Variants in UBE4B observed in about 807,000 individuals in gnomAD.
UBE4B encodes the protein ubiquitin conjugation factor E4 B.
UBE4B carries 27 observed loss-of-function variants against 148.1 expected under a neutral mutation model. The ratio of observed to expected loss-of-function variants is 0.18; its 90% CI spans 0.13 to 0.25. The LOEUF (loss-of-function observed/expected upper bound fraction) is 0.25, where lower values mean the gene tolerates loss of function less well. Among genes scored for constraint, UBE4B ranks in the 10% least tolerant of loss-of-function variants. The pLI, the probability that UBE4B is intolerant of heterozygous loss-of-function variation, is 1.00. For missense variants in UBE4B, 1,170 were observed against 1,662.4 expected, an observed-to-expected ratio of 0.70 and a Z score of 5.15; for synonymous variants, 596 against 619.3, an observed-to-expected ratio of 0.96 and a Z score of 0.56.
At chr1:10,069,945 A>T (rs959610540) in intron 1 of UBE4B, among the ~76,000 whole-genome samples, 1 of 152,102 alleles carries the variant, frequency 6.6e-6, no homozygotes, top group African/African-American at 2.4e-5. Flanking sequence ...TGAATTAGAA[A>T]TCAAGCATGA....
chr1:10,076,992 G>A (rs1044567100), intron 2 of UBE4B, among the ~76,000 whole-genome samples: 2 of 151,666 alleles, frequency 1.3e-5, no homozygotes, highest in African/African-American at 2.4e-5. Flanking sequence ...TGATCCTCCC[G>A]CCTCAGCCTC....
chr1:10,126,872 C>T lies in UBE4B; in HGVS notation c.1633C>T (p.Leu545Phe), dbSNP rs754118135. ...CGACAGTGACTACTTTAAATACCCC[C>T]TCATGGTAAAACTTTGTTCTTTTTC... ...SLDSDYFKYP[L>F]MALGELCETK... Residue 545 changes from leucine (L) to phenylalanine (F), a missense_variant, in exon 11 of 28, where the codon CTC becomes TTC. Coordinates refer to ENST00000343090, the MANE Select transcript of UBE4B (RefSeq NM_001105562.3). 6.2e-7 allele frequency: 1 copy of T among 1,613,410 alleles called. No individual in the cohort carries two copies. Among genetic ancestry groups the T allele is most frequent in the Non-Finnish European group, 8.5e-7 (1 of 1,179,362 alleles).
In UBE4B at chr1:10,175,464, A is replaced by G. The variant is rs1028467583; in HGVS notation, c.3526-3180A>G. On this transcript the variant is annotated intron_variant, in intron 25 of 27. Transcript: ENST00000343090. The stretch of plus-strand genomic sequence containing the variant: ...CAGGAGATCGAGACCGTCCTGGCTA[A>G]CACGGTGAAACCCCATCTCTACTAA... 1.0e-4 allele frequency among the ~76,000 whole-genome samples: 15 copies of G among 150,680 alleles called. No individual in the cohort carries two copies. In the South Asian group the frequency reaches 1.7e-3, roughly 17 times the overall value.
At chr1:10,166,929 AAAAT>A (rs1390722825) in intron 23 of UBE4B, among the ~76,000 whole-genome samples, 22 of 148,572 alleles carry the variant, frequency 1.5e-4, no homozygotes, top group Admixed American at 4.1e-4. Context: ...TGTCTCAAAA[AAAAT>A]AAATAAATCA....
At chr1:10,152,627 G>A (rs1030508766) in intron 21 of UBE4B, among the ~76,000 whole-genome samples, 4 of 151,782 alleles carry the variant, frequency 2.6e-5, no homozygotes, top group Non-Finnish European at 4.4e-5. Context: ...GAGAAACCCC[G>A]TCTCTACTAA....
At chr1:10,152,183 C>G (rs922773099) in intron 21 of UBE4B, among the ~76,000 whole-genome samples, 21 of 151,282 alleles carry the variant, frequency 1.4e-4, no homozygotes. Context: ...TGCTTGAACC[C>G]GGGAGGCAGA....
At chr1:10,123,621 C>A (rs1024933606) in intron 10 of UBE4B, among the ~76,000 whole-genome samples, 7 of 152,080 alleles carry the variant, frequency 4.6e-5, no homozygotes, top group Non-Finnish European at 7.4e-5. Context: ...CTACTTTATT[C>A]ATAAACAAAC....
At chr1:10,095,698 C>A in intron 3 of UBE4B, 102 bp downstream of exon 3, 2 of 1,378,242 alleles carry the variant, frequency 1.5e-6, no homozygotes, top group East Asian at 2.3e-5. Flanking sequence ...CAGCTAGAGA[C>A]CCATGCCAGT....
At chr1:10,111,144 C>T (rs929793103) in intron 7 of UBE4B, among the ~76,000 whole-genome samples, 1 of 151,460 alleles carries the variant, frequency 6.6e-6, no homozygotes. Context: ...TCCCTTCTCA[C>T]ACAGAGTAAA....
At position 10,171,320 on chromosome 1, in the gene UBE4B, T is replaced by C. The variant is rs200184210; in HGVS notation, c.3516T>C (p.Ala1172=). ...LDCARFAKAI[A]DDQRSYSKEL... ...GTGCTCGGTTCGCGAAAGCCATTGC[T>C]GACGACCAGGTCAGTGAGTTGAGTT... is the stretch of plus-strand genomic sequence containing the variant. Residue 1172 remains alanine (A), a synonymous_variant, in exon 25 of 28, where the codon GCT becomes GCC. Transcript: ENST00000343090. 6.2e-7 allele frequency: 1 copy of C among 1,613,664 alleles called. No homozygotes were observed.
chr1:10,154,715 A>G (rs1646038880), intron 21 of UBE4B, among the ~76,000 whole-genome samples: 1 of 151,942 alleles, frequency 6.6e-6, no homozygotes. Context: ...AGTGGTGCAC[A>G]CCTATAGTCC....
At chr1:10,091,795 G>C (rs749339016) in intron 2 of UBE4B, among the ~76,000 whole-genome samples, 3 of 152,112 alleles carry the variant, frequency 2.0e-5, no homozygotes, top group Non-Finnish European at 4.4e-5. Flanking sequence ...AGTAGAAACA[G>C]GGTTTCACTA....
chr1:10,051,901 C>A (rs1395660799), intron 1 of UBE4B, among the ~76,000 whole-genome samples: 2 of 152,176 alleles, frequency 1.3e-5, no homozygotes, highest in Admixed American at 6.5e-5. Flanking sequence ...TCTTTGGCAT[C>A]TTGTCCAGTT....
At chr1:10,117,882 T>C (rs1017967183) in intron 8 of UBE4B, among the ~76,000 whole-genome samples, 2 of 152,226 alleles carry the variant, frequency 1.3e-5, no homozygotes, top group African/African-American at 4.8e-5. Context: ...GTACCGCCAG[T>C]GACTCATATG....
At chr1:10,112,324 A>G (rs1645234924) in intron 7 of UBE4B, among the ~76,000 whole-genome samples, 1 of 152,254 alleles carries the variant, frequency 6.6e-6, no homozygotes, top group African/African-American at 2.4e-5. Context: ...CACAGTTGTA[A>G]AAGCATCATG....
At chr1:10,047,136 T>A (rs1643928665) in intron 1 of UBE4B, among the ~76,000 whole-genome samples, 1 of 152,234 alleles carries the variant, frequency 6.6e-6, no homozygotes, top group African/African-American at 2.4e-5. Flanking sequence ...GCTGCATATT[T>A]GTATTGTTAA....
chr1:10,115,388 C>T (rs1645292339), intron 7 of UBE4B, among the ~76,000 whole-genome samples: 1 of 151,926 alleles, frequency 6.6e-6, no homozygotes, highest in Non-Finnish European at 1.5e-5. Context: ...CCTGCCTCAG[C>T]CTCCCAAGTA....
At chr1:10,143,049 A>G (rs984307632) in intron 17 of UBE4B, among the ~76,000 whole-genome samples, 1 of 152,176 alleles carries the variant, frequency 6.6e-6, no homozygotes, top group Non-Finnish European at 1.5e-5. Context: ...TAGAGGTTGC[A>G]ATGAGCTGAG....
chr1:10,045,140 G>C (rs1643887144), intron 1 of UBE4B, among the ~76,000 whole-genome samples: 1 of 152,188 alleles, frequency 6.6e-6, no homozygotes, highest in African/African-American at 2.4e-5. Context: ...TGATCTTGCA[G>C]GAGGCGGAGC....
Sources: gnomAD v4.1 joint callset for allele counts (sites outside exome capture counted in the v4.1 genomes callset) on GRCh38, gnomAD v4.1.1 for gene constraint, MANE v1.5 for transcripts, NCBI Gene and HGNC (gene_info 2026-07-23, HGNC 2026-07-21) for gene names.